Variants in DBF4 observed in about 807,000 individuals in gnomAD.
The protein encoded by DBF4 is DBF4-CDC7 kinase regulatory subunit.
Under a neutral mutation model 76.6 loss-of-function variants are expected in DBF4, and 25 were observed. That is an observed-to-expected ratio of 0.33 (90% CI 0.24 to 0.46). The LOEUF is 0.46. DBF4 is among the 20% of genes least tolerant of loss of function. The pLI is 1.00. For missense variants in DBF4, 638 were observed against 760.8 expected, an observed-to-expected ratio of 0.84 and a Z score of 1.90; for synonymous variants, 213 against 258.0, an observed-to-expected ratio of 0.83 and a Z score of 1.67.
rs747651333 is a variant in DBF4 at position 87,907,791 on chromosome 7, C to T, written c.1653C>T (p.Phe551=). The stretch of plus-strand genomic sequence containing the variant: ...TAACTGTTCAGGCAAAGGCTCCATT[C>T]CATACTCCTCCTGAGGAACCCAATG... ...EHLTVQAKAP[F]HTPPEEPNEC... Residue 551 remains phenylalanine (F), a synonymous_variant, in exon 12 of 12, where the codon TTC becomes TTT. Coordinates refer to ENST00000265728, the MANE Select transcript of DBF4 (RefSeq NM_006716.4). 3 of 1,614,036 alleles carry T rather than the reference C, an allele frequency of 1.9e-6. No individual in the cohort carries two copies. The Admixed American group carries it at 5.0e-5, about 27-fold the overall frequency.
chr7:87,892,673 A>G (rs1002013109), intron 6 of DBF4, among the ~76,000 whole-genome samples: 1 of 152,204 alleles, frequency 6.6e-6, no homozygotes, highest in South Asian at 2.1e-4. Flanking sequence ...TGTCTTCCAA[A>G]GTAGTTGTGC....
chr7:87,878,374 C>T, intron 2 of DBF4, 149 bp downstream of exon 2: 1 of 652,358 alleles, frequency 1.5e-6, no homozygotes. Flanking sequence ...AACAAAAAAC[C>T]ATTTGTTTTA....
chr7:87,907,111 A>T, intron 11 of DBF4, 77 bp from the exon 12 acceptor site: 1 of 1,285,768 alleles, frequency 7.8e-7, no homozygotes, highest in Non-Finnish European at 1.0e-6. Context: ...TGTTTTTACT[A>T]ATTTAATTTC....
intron 3 of DBF4, among the ~76,000 whole-genome samples, chr7:87,885,574 A>AT (rs1839326107): frequency 6.6e-6 from 1 of 152,200 alleles, no homozygotes; most frequent in Non-Finnish European, 1.5e-5. Flanking sequence ...ACATTTTCAA[A>AT]TAGTTGTGTA....
In DBF4 at chr7:87,887,351, T is replaced by C. The variant is rs1344446227; in HGVS notation, c.473T>C (p.Ile158Thr). ...CAGGATTTTATTCCTTCAAATAGTA[T>C]ATTATCAAATGCCTTGTCATGGGGA... is the stretch of plus-strand genomic sequence containing the variant. ...KDHDFIPSNS[I>T]LSNALSWGVK... is the part of the protein sequence containing the mutation. The change falls in exon 5 of 12, where the codon ATA becomes ACA. Residue 158 changes from isoleucine to threonine, a missense_variant. Physicochemically the swap from Ile to Thr is moderately conservative, Grantham distance 89. Coordinates refer to ENST00000265728, the MANE Select transcript of DBF4 (RefSeq NM_006716.4). The C allele has an allele frequency of 6.4e-7, 1 of 1,555,270 alleles. No homozygotes were observed. Among genetic ancestry groups the C allele is most frequent in the East Asian group, 2.3e-5 (1 of 44,018 alleles).
chr7:87,908,110 C>T lies in DBF4; in HGVS notation c.1972C>T (p.Leu658=). The T allele has an allele frequency of 6.2e-7, 1 of 1,608,134 alleles. No individual in the cohort carries two copies. Among genetic ancestry groups the T allele is most frequent in the African/African-American group, 1.3e-5 (1 of 74,778 alleles). ...DIWEEENSDN[L]LTAFFSSPST... ...TTGGGAAGAGGAAAATTCAGATAAT[C>T]TGTTAACAGCGTTTTTCTCGTCCCC... Residue 658 remains leucine, a synonymous_variant, in exon 12 of 12, where the codon CTG becomes TTG. Coordinates refer to ENST00000265728, the MANE Select transcript of DBF4 (RefSeq NM_006716.4).
intron 1 of DBF4, among the ~76,000 whole-genome samples, chr7:87,877,498 G>C (rs1839097218): frequency 6.6e-6 from 1 of 152,134 alleles, no homozygotes; most frequent in Admixed American, 6.5e-5. Flanking sequence ...ATAATGAAAG[G>C]TTTAGTTCTT....
chr7:87,888,402 T>G (rs576615059), intron 6 of DBF4: 1 of 809,912 alleles, frequency 1.2e-6, no homozygotes, highest in South Asian at 5.7e-5. Context: ...AATATAAATA[T>G]GTACTATCCT....
Position 87,900,225 on chromosome 7 carries a change from T to C in DBF4, c.685T>C (p.Tyr229His), listed in dbSNP as rs752781931. ...FVKVEDMSQL[Y>H]RPFYLQLTNM... ...TTTGTCTTTTTATTCTTCTAGACTT[T>C]ATAGGCCATTTTATCTTCAGCTGAC... The change falls in exon 9 of 12, where the codon TAT becomes CAT. Residue 229 changes from tyrosine (Y) to histidine (H), a missense_variant. Coordinates refer to ENST00000265728, the MANE Select transcript of DBF4 (RefSeq NM_006716.4). 1.0e-5 allele frequency: 16 copies of C among 1,590,390 alleles called. No homozygotes were observed. Among genetic ancestry groups the C allele is most frequent in the Non-Finnish European group, 1.3e-5 (15 of 1,163,658 alleles).
chr7:87,899,516 T>G (rs1466665293), intron 8 of DBF4, among the ~76,000 whole-genome samples: 1 of 152,142 alleles, frequency 6.6e-6, no homozygotes. Flanking sequence ...ATGCTCAACA[T>G]TACTAATCAT....
At chr7:87,889,550 G>A (rs2131053930) in intron 6 of DBF4, among the ~76,000 whole-genome samples, 1 of 152,208 alleles carries the variant, frequency 6.6e-6, no homozygotes, top group African/African-American at 2.4e-5. Context: ...AAAGTGCTGA[G>A]ATTACAGCCA....
chr7:87,883,968 C>A (rs1839280357), intron 2 of DBF4, among the ~76,000 whole-genome samples: 1 of 151,906 alleles, frequency 6.6e-6, no homozygotes, highest in Non-Finnish European at 1.5e-5. Flanking sequence ...ATTTTCCTGA[C>A]CCTGGCGATC....
At chr7:87,883,846 A>G (rs1839277397) in intron 2 of DBF4, among the ~76,000 whole-genome samples, 1 of 152,154 alleles carries the variant, frequency 6.6e-6, no homozygotes, top group African/African-American at 2.4e-5. Flanking sequence ...CTGCTTATTA[A>G]TGATTCACAG....
rs894992709 is a variant in DBF4, at chr7:87,908,860, T to C, written c.*697T>C. On this transcript the variant is annotated 3_prime_UTR_variant, in exon 12 of 12. Transcript: ENST00000265728. ...ACTTTGGGAGGCCGAGGCAGGCTGA[T>C]CACGAGGTCAGAAGATCAAGACCAT... The C allele has an allele frequency of 6.6e-6, 1 of 152,262 alleles. No homozygotes were observed. The highest frequency in any genetic ancestry group is 1.5e-5 in the Non-Finnish European group (1 of 68,070). The allele number at this position is 152,262 out of a possible 1,614,324, so 9.4% of individuals were successfully genotyped here. A position where few individuals can be genotyped will look rare whatever the true frequency, so the allele number is the denominator to read the frequency against.
At chr7:87,900,580 C>T (rs1839752648) in intron 9 of DBF4, among the ~76,000 whole-genome samples, 184 bp from the exon 10 acceptor site, 2 of 151,670 alleles carry the variant, frequency 1.3e-5, no homozygotes, top group Admixed American at 1.3e-4. Flanking sequence ...AAATATTCTC[C>T]AGAATATTCA....
chr7:87,904,735 C>T (rs913383717), intron 11 of DBF4, among the ~76,000 whole-genome samples: 9 of 151,830 alleles, frequency 5.9e-5, no homozygotes, highest in African/African-American at 9.7e-5. Context: ...AGTGAGACTC[C>T]GTCTCAAAAA....
In DBF4 at chr7:87,876,644, C is replaced by T. The variant is rs1232041593; in HGVS notation, c.-89C>T. 9 of 1,455,408 alleles carry T rather than the reference C, an allele frequency of 6.2e-6. No homozygotes were observed. The East Asian group carries it at 7.0e-5, about 11-fold the overall frequency. The allele number at this position is 1,455,408 out of a possible 1,614,324, so 90.2% of individuals were successfully genotyped here. A position where few individuals can be genotyped will look rare whatever the true frequency, so the allele number is the denominator to read the frequency against. On this transcript the variant is annotated 5_prime_UTR_variant, in exon 1 of 12. Coordinates refer to ENST00000265728, the MANE Select transcript of DBF4 (RefSeq NM_006716.4). ...TGGCGGAAGGAGAGAGGCGGCCGTC[C>T]TGTCAACAGGCCGGGGGAAGCCGTG...
chr7:87,876,614 G>A lies in DBF4; in HGVS notation c.-119G>A, dbSNP rs1276624086. 10 of 1,148,770 alleles carry A rather than the reference G, an allele frequency of 8.7e-6. No individual in the cohort carries two copies. The African/African-American group carries it at 1.2e-4, about 14-fold the overall frequency. 71.2% of individuals were successfully genotyped at this position (1,148,770 alleles called of 1,614,324 possible). A position where few individuals can be genotyped will look rare whatever the true frequency, so the allele number is the denominator to read the frequency against. On this transcript the variant is annotated 5_prime_UTR_variant, in exon 1 of 12. Transcript: ENST00000265728. The stretch of plus-strand genomic sequence containing the variant: ...GCGGTACCTCTACTGCGTAGAGGCC[G>A]TAGCTGGCGGAAGGAGAGAGGCGGC...
chr7:87,900,222 C>T lies in DBF4; in HGVS notation c.682C>T (p.Leu228Phe), dbSNP rs1204779873. The change falls in exon 9 of 12, where the codon CTT (leucine) becomes TTT (phenylalanine). Residue 228 changes from leucine (L) to phenylalanine (F), a missense_variant and splice_region_variant. Leu to Phe is a conservative substitution (Grantham distance 22). Coordinates refer to ENST00000265728, the MANE Select transcript of DBF4 (RefSeq NM_006716.4). ...PFVKVEDMSQ[L>F]YRPFYLQLTN... The stretch of plus-strand genomic sequence containing the variant: ...GTATTTGTCTTTTTATTCTTCTAGA[C>T]TTTATAGGCCATTTTATCTTCAGCT... 1 of 1,587,682 alleles carries T rather than the reference C, an allele frequency of 6.3e-7. No homozygotes were observed. The highest frequency in any genetic ancestry group is 8.6e-7 in the Non-Finnish European group (1 of 1,162,206).
Sources: allele counts gnomAD v4.1 joint callset (sites outside exome capture counted in the v4.1 genomes callset), GRCh38; gene constraint gnomAD v4.1.1; transcripts MANE v1.5; gene names NCBI Gene and HGNC (gene_info 2026-07-23, HGNC 2026-07-21).